Variants in TMC1 observed in about 807,000 individuals in gnomAD.
TMC1 encodes the protein transmembrane channel-like protein 1.
Under a neutral mutation model 105.8 loss-of-function variants are expected in TMC1, and 84 were observed. The ratio of observed to expected loss-of-function variants is 0.79; its 90% CI spans 0.67 to 0.95. TMC1 has a LOEUF of 0.95. Among genes scored for constraint, TMC1 ranks in the 40% least tolerant of loss-of-function variants. The pLI is 0.00. For synonymous variants in TMC1, 315 were observed against 311.5 expected (o/e 1.01, Z -0.12); for missense variants, 817 against 914.1 (o/e 0.89, Z 1.37).
chr9:72,675,584 A>G (rs765602609), intron 5 of TMC1, among the ~76,000 whole-genome samples: 4 of 152,088 alleles, frequency 2.6e-5, no homozygotes, highest in Admixed American at 1.3e-4. Flanking sequence ...ATCTCAAACC[A>G]TTGTCCTTCT....
At chr9:72,801,047 A>G (rs969739025) in intron 17 of TMC1, among the ~76,000 whole-genome samples, 8 of 152,198 alleles carry the variant, frequency 5.3e-5, no homozygotes, top group Admixed American at 2.0e-4. Context: ...CTATGAGAGC[A>G]TTACAGATGT....
At chr9:72,793,272 G>C (rs1828307223) in intron 17 of TMC1, among the ~76,000 whole-genome samples, 2 of 152,176 alleles carry the variant, frequency 1.3e-5, no homozygotes, top group African/African-American at 4.8e-5. Context: ...TCCAGTGACA[G>C]TCTGCAGGCC....
chr9:72,769,477 T>C (rs1827890346), intron 12 of TMC1, among the ~76,000 whole-genome samples: 2 of 152,206 alleles, frequency 1.3e-5, no homozygotes, highest in African/African-American at 4.8e-5. Context: ...GCACAGCATG[T>C]TCCCTCTCAA....
At chr9:72,832,918 C>T (rs924596843) in intron 23 of TMC1, among the ~76,000 whole-genome samples, 1 of 152,152 alleles carries the variant, frequency 6.6e-6, no homozygotes, top group Non-Finnish European at 1.5e-5. Context: ...GTTTTGCTCT[C>T]TTCTCCTCCC....
At chr9:72,588,592 T>G (rs139503924) in intron 2 of TMC1, among the ~76,000 whole-genome samples, 93 of 152,252 alleles carry the variant, frequency 6.1e-4, no homozygotes, top group African/African-American at 2.2e-3. Context: ...GCTGCCAGTT[T>G]CTTAAAGTCT....
chr9:72,627,590 C>T (rs190697249), intron 3 of TMC1, among the ~76,000 whole-genome samples: 16 of 152,172 alleles, frequency 1.1e-4, no homozygotes, highest in Admixed American at 3.9e-4. Flanking sequence ...AGGATGGGCG[C>T]GGGTGGGAGT....
chr9:72,703,694 T>A (rs1826682772), intron 8 of TMC1, among the ~76,000 whole-genome samples: 1 of 152,176 alleles, frequency 6.6e-6, no homozygotes, highest in Non-Finnish European at 1.5e-5. Flanking sequence ...ACCAAGACGG[T>A]GATTCAGATC....
chr9:72,647,145 A>C (rs1825727879), intron 4 of TMC1, among the ~76,000 whole-genome samples: 1 of 150,980 alleles, frequency 6.6e-6, no homozygotes, highest in African/African-American at 2.4e-5. Flanking sequence ...CCATCTCAAA[A>C]AAAAAAAAAA....
chr9:72,680,196 G>A (rs1826264519), intron 5 of TMC1, among the ~76,000 whole-genome samples: 1 of 151,958 alleles, frequency 6.6e-6, no homozygotes, highest in African/African-American at 2.4e-5. Context: ...TCCTTAACTG[G>A]AGTACTCAAA....
intron 5 of TMC1, among the ~76,000 whole-genome samples, chr9:72,669,797 C>T (rs1320526907): frequency 1.3e-5 from 2 of 151,524 alleles, no homozygotes; most frequent in Non-Finnish European, 2.9e-5. Flanking sequence ...AATACAGATA[C>T]TGAATTTACT....
chr9:72,730,233 C>T (rs1311492917), intron 8 of TMC1, among the ~76,000 whole-genome samples: 1 of 152,008 alleles, frequency 6.6e-6, no homozygotes, highest in Non-Finnish European at 1.5e-5. Flanking sequence ...GTTTTTATGG[C>T]CGGCTTTGGG....
At chr9:72,705,602 A>T (rs1826724708) in intron 8 of TMC1, among the ~76,000 whole-genome samples, 1 of 152,218 alleles carries the variant, frequency 6.6e-6, no homozygotes, top group South Asian at 2.1e-4. Flanking sequence ...ATTGATTGGA[A>T]GAAAGAATGC....
At chr9:72,717,266 G>T (rs1826937443) in intron 8 of TMC1, among the ~76,000 whole-genome samples, 1 of 152,192 alleles carries the variant, frequency 6.6e-6, no homozygotes. Context: ...TCTTTTAAGT[G>T]GAGCATTTAG....
intron 7 of TMC1, among the ~76,000 whole-genome samples, chr9:72,699,634 G>C (rs756834883): frequency 6.6e-6 from 1 of 152,104 alleles, no homozygotes; most frequent in Non-Finnish European, 1.5e-5. Flanking sequence ...AGATTTTCTG[G>C]TTCAGAGAGT....
At chr9:72,675,078 C>A (rs1564483450) in intron 5 of TMC1, among the ~76,000 whole-genome samples, 1 of 152,110 alleles carries the variant, frequency 6.6e-6, no homozygotes, top group Non-Finnish European at 1.5e-5. Context: ...CTTTAAAATT[C>A]TCTCTCTCAT....
chr9:72,662,061 C>G (rs1228927680), intron 5 of TMC1, among the ~76,000 whole-genome samples: 1 of 152,172 alleles, frequency 6.6e-6, no homozygotes, highest in Non-Finnish European at 1.5e-5. Flanking sequence ...CTTATCTTCC[C>G]CAGGATCTGG....
At position 72,694,554 on chromosome 9, in the gene TMC1, GA is replaced by G; in HGVS notation, c.77del (p.Glu26GlyfsTer13). ...AGTGCTATGTTTAGGTGAAGAGGAAGAGGAGGTGGAAGATAAGCTACCTCGA... is the reference window on the plus strand; with the variant it reads ...AGTGCTATGTTTAGGTGAAGAGGAAGGGAGGTGGAAGATAAGCTACCTCGA... ...ETEESSSEEE[E>X]EVEDKLPRRE... On this transcript the variant is annotated frameshift_variant, in exon 7 of 24. Transcript: ENST00000297784. LOFTEE classifies it high-confidence loss of function. The G allele has an allele frequency of 6.2e-7, 1 of 1,612,564 alleles. No homozygotes were observed. Among genetic ancestry groups the G allele is most frequent in the Non-Finnish European group, 8.5e-7 (1 of 1,179,130 alleles).
At chr9:72,524,510 A>C (rs995611043) in intron 1 of TMC1, among the ~76,000 whole-genome samples, 5 of 152,196 alleles carry the variant, frequency 3.3e-5, no homozygotes, top group Non-Finnish European at 5.9e-5. Flanking sequence ...CTTCTCAAGG[A>C]TGCGATCTCA....
At chr9:72,712,589 A>T (rs1261418968) in intron 8 of TMC1, among the ~76,000 whole-genome samples, 1 of 152,084 alleles carries the variant, frequency 6.6e-6, no homozygotes. Flanking sequence ...GATGTATAGG[A>T]ATACTTGTGA....
Sources: gnomAD v4.1 joint callset for allele counts (sites outside exome capture counted in the v4.1 genomes callset) on GRCh38, gnomAD v4.1.1 for gene constraint, MANE v1.5 for transcripts, NCBI Gene and HGNC (gene_info 2026-07-23, HGNC 2026-07-21) for gene names.